DCDC1: variants seen among roughly 807,000 people sequenced by gnomAD.
DCDC1 encodes the protein doublecortin domain-containing protein 1.
A neutral mutation model predicts 178.3 loss-of-function variants in DCDC1; 200 were observed. The observed-to-expected ratio is 1.12, with a 90% CI of 1.00 to 1.26. The LOEUF (loss-of-function observed/expected upper bound fraction) is 1.26. Ranked by LOEUF, DCDC1 falls within the 50% of genes most tolerant of loss-of-function variation. DCDC1 has a pLI of 0.00. For missense variants in DCDC1, 1,983 were observed against 1,749.2 expected (o/e 1.13, Z -2.38); for synonymous variants, 690 against 604.8 (o/e 1.14, Z -2.07).
At chr11:31,032,080 T>C (rs575296715) in intron 20 of DCDC1, among the ~76,000 whole-genome samples, 3 of 152,244 alleles carry the variant, frequency 2.0e-5, no homozygotes, top group Admixed American at 1.3e-4. Context: ...ACCTCCTTTG[T>C]GCTTGGAGGC....
chr11:31,206,365 T>A (rs1251385106), intron 9 of DCDC1, among the ~76,000 whole-genome samples: 3 of 152,186 alleles, frequency 2.0e-5, no homozygotes, highest in Non-Finnish European at 4.4e-5. Context: ...TCTATCCAAC[T>A]CTTAAGATCA....
At chr11:31,105,039 T>C (rs909679259) in intron 13 of DCDC1, among the ~76,000 whole-genome samples, 5 of 152,122 alleles carry the variant, frequency 3.3e-5, no homozygotes, top group Admixed American at 1.3e-4. Context: ...AATTACTTAC[T>C]GAAAATGAAA....
chr11:31,344,159 A>G (rs192034868), intron 1 of DCDC1, among the ~76,000 whole-genome samples: 3 of 152,330 alleles, frequency 2.0e-5, no homozygotes, highest in African/African-American at 7.2e-5. Context: ...TTGACAATTA[A>G]ATGAGAACTA....
rs55971566 is a variant in DCDC1, at chr11:31,017,550, TA to T, written c.2591+46918del. 2.0e-3 allele frequency among the ~76,000 whole-genome samples: 291 copies of T among 145,530 alleles called. 1 individual carries two copies. Among genetic ancestry groups the T allele is most frequent in the Admixed American group, 4.6e-3 (67 of 14,612 alleles). On this transcript the variant is annotated intron_variant, in intron 20 of 38. Coordinates refer to ENST00000684477, the MANE Select transcript of DCDC1 (RefSeq NM_001387274.1). ...CTACAGTTATTTTATTTATCAATGG[TA>T]AAAAAAAAAACCTATCTGTTTTCAC...
At chr11:31,015,399 G>A (rs566410074) in intron 20 of DCDC1, among the ~76,000 whole-genome samples, 5 of 152,178 alleles carry the variant, frequency 3.3e-5, no homozygotes, top group South Asian at 2.1e-4. Context: ...TCACTGAAAT[G>A]CTTCGTTTTT....
intron 5 of DCDC1, 30 bp from the exon 6 acceptor site, chr11:31,305,807 G>A (rs1431962367): frequency 1.9e-6 from 3 of 1,604,218 alleles, no homozygotes; most frequent in East Asian, 2.2e-5. Flanking sequence ...AAGTCAAAGT[G>A]ATTTACTACA....
intron 9 of DCDC1, among the ~76,000 whole-genome samples, chr11:31,214,729 T>C (rs1973323684): frequency 6.6e-6 from 1 of 152,186 alleles, no homozygotes; most frequent in Non-Finnish European, 1.5e-5. Flanking sequence ...ACAAATAAGA[T>C]AACAGAAATG....
intron 6 of DCDC1, among the ~76,000 whole-genome samples, chr11:31,291,579 T>A (rs751106435): frequency 1.3e-5 from 2 of 152,100 alleles, no homozygotes; most frequent in Non-Finnish European, 2.9e-5. Context: ...GTATATTGCA[T>A]ACTAAGTTGC....
At chr11:30,960,075 C>G (rs919032558) in intron 20 of DCDC1, among the ~76,000 whole-genome samples, 1 of 152,116 alleles carries the variant, frequency 6.6e-6, no homozygotes, top group South Asian at 2.1e-4. Context: ...TCTGATCATA[C>G]TCTCAGGTAG....
chr11:31,352,875 C>A (rs1055126055), intron 1 of DCDC1, among the ~76,000 whole-genome samples: 2 of 152,128 alleles, frequency 1.3e-5, no homozygotes, highest in African/African-American at 4.8e-5. Flanking sequence ...TAGATTAGAT[C>A]AGGTTTAACT....
chr11:31,089,019 C>T (rs1957641322), intron 17 of DCDC1, among the ~76,000 whole-genome samples: 1 of 152,120 alleles, frequency 6.6e-6, no homozygotes, highest in South Asian at 2.1e-4. Context: ...TGTTATATTA[C>T]CTATATAGTC....
chr11:30,934,690 T>C (rs185678149), intron 21 of DCDC1, among the ~76,000 whole-genome samples: 1 of 152,290 alleles, frequency 6.6e-6, no homozygotes, highest in East Asian at 1.9e-4. Flanking sequence ...AGAGCCAACA[T>C]GCAATGCATT....
At chr11:30,997,262 G>A (rs1010263802) in intron 20 of DCDC1, among the ~76,000 whole-genome samples, 5 of 152,168 alleles carry the variant, frequency 3.3e-5, no homozygotes, top group Non-Finnish European at 7.3e-5. Flanking sequence ...TACTGGAGTG[G>A]TAAATACATG....
intron 36 of DCDC1, among the ~76,000 whole-genome samples, chr11:30,881,648 G>C (rs78503682): frequency 6.6e-6 from 1 of 152,066 alleles, no homozygotes; most frequent in Non-Finnish European, 1.5e-5. Flanking sequence ...ATTTTTTTTA[G>C]TGACCAAGGA....
intron 3 of DCDC1, among the ~76,000 whole-genome samples, chr11:31,325,725 A>G (rs1226689005): frequency 6.6e-6 from 1 of 152,180 alleles, no homozygotes; most frequent in Non-Finnish European, 1.5e-5. Context: ...ATATGTAGGC[A>G]TATTTTGTAA....
chr11:31,177,808 T>C (rs1015195097), intron 9 of DCDC1, among the ~76,000 whole-genome samples: 1 of 152,092 alleles, frequency 6.6e-6, no homozygotes, highest in African/African-American at 2.4e-5. Flanking sequence ...AAGGGCTCAA[T>C]TGAACAAGAA....
chr11:31,035,707 T>G (rs1953980589), intron 20 of DCDC1, among the ~76,000 whole-genome samples: 2 of 152,248 alleles, frequency 1.3e-5, no homozygotes, highest in Non-Finnish European at 2.9e-5. Flanking sequence ...TTGGACAACT[T>G]ATATGAAAAT....
intron 20 of DCDC1, among the ~76,000 whole-genome samples, chr11:31,029,529 T>G (rs1953480746): frequency 1.3e-5 from 2 of 152,106 alleles, no homozygotes; most frequent in African/African-American, 2.4e-5. Context: ...TATAAGCTCT[T>G]TAATATATAT....
chr11:30,999,409 C>A (rs1157346073), intron 20 of DCDC1, among the ~76,000 whole-genome samples: 2 of 152,096 alleles, frequency 1.3e-5, no homozygotes, highest in South Asian at 2.1e-4. Context: ...TTCTGTAAAT[C>A]AAAAATTATT....
Sources: allele counts gnomAD v4.1 joint callset (sites outside exome capture counted in the v4.1 genomes callset), GRCh38; gene constraint gnomAD v4.1.1; transcripts MANE v1.5; gene names NCBI Gene and HGNC (gene_info 2026-07-23, HGNC 2026-07-21).